The following CNTN4 variants were observed in gnomAD, a reference collection of about 807,000 sequenced individuals.
CNTN4 encodes contactin 4.
In CNTN4, 77 loss-of-function variants were observed where a neutral mutation model predicts 122.5. The ratio of observed to expected loss-of-function variants is 0.63; its 90% CI spans 0.52 to 0.76. The LOEUF is 0.76. Ranked by LOEUF, CNTN4 falls within the 30% of genes least tolerant of loss-of-function variation. The pLI, the probability that CNTN4 is intolerant of heterozygous loss-of-function variation, is 0.00. For synonymous variants in CNTN4, 512 were observed against 447.0 expected (o/e 1.15, Z -1.83); for missense variants, 1,256 against 1,259.1 (o/e 1.00, Z 0.04).
At chr3:2,755,882 TA>T (rs1206660274) in intron 6 of CNTN4, among the ~76,000 whole-genome samples, 2 of 152,152 alleles carry the variant, frequency 1.3e-5, no homozygotes, top group Non-Finnish European at 2.9e-5. Context: ...TGTATCACCA[TA>T]AAAAAACCAA....
At position 2,270,061 on chromosome 3, in the gene CNTN4, T is replaced by C. The variant is rs1463534401; in HGVS notation, c.-144-69117T>C. Among the ~76,000 whole-genome samples the C allele has an allele frequency of 8.1e-4, 77 of 95,062 alleles. 9 individuals carry two copies. The highest frequency in any genetic ancestry group is 2.2e-3 in the African/African-American group (68 of 30,318). 62.4% of individuals were successfully genotyped at this position (95,062 alleles called of 152,430 possible). On this transcript the variant is annotated intron_variant, in intron 2 of 24. Coordinates refer to ENST00000418658, the MANE Select transcript of CNTN4 (RefSeq NM_175607.3). ...GCTTCCCGGGTTCACGCCATTCTCC[T>C]GCCTCAGCCTCCCCAGTAGCTGGGA...
chr3:2,917,852 A>G (rs2094386053), intron 12 of CNTN4, among the ~76,000 whole-genome samples: 1 of 152,162 alleles, frequency 6.6e-6, no homozygotes, highest in African/African-American at 2.4e-5. Context: ...TTCCATTGCT[A>G]CATTATCCAA....
At chr3:2,289,833 A>G (rs929872718) in intron 2 of CNTN4, among the ~76,000 whole-genome samples, 16 of 152,232 alleles carry the variant, frequency 1.1e-4, no homozygotes, top group African/African-American at 3.9e-4. Flanking sequence ...TGTGTAAGTT[A>G]TTACGATAGT....
At chr3:2,242,918 T>G (rs2040000212) in intron 2 of CNTN4, among the ~76,000 whole-genome samples, 1 of 152,126 alleles carries the variant, frequency 6.6e-6, no homozygotes, top group Non-Finnish European at 1.5e-5. Context: ...TATTCCAAAG[T>G]ATGGCAGGAA....
chr3:2,115,729 A>G (rs76338908), intron 2 of CNTN4, among the ~76,000 whole-genome samples: 2,419 of 152,356 alleles, frequency 0.016, 59 homozygotes, highest in African/African-American at 0.055. Flanking sequence ...CTAACATTTC[A>G]TACAACCGCA....
chr3:3,054,105 C>A, intron 24 of CNTN4, 130 bp downstream of exon 24: 1 of 965,868 alleles, frequency 1.0e-6, no homozygotes, highest in Non-Finnish European at 1.6e-6. Context: ...ACACTACCCC[C>A]CTTCTCCAGA....
At chr3:2,127,608 T>C (rs899295098) in intron 2 of CNTN4, among the ~76,000 whole-genome samples, 7 of 152,126 alleles carry the variant, frequency 4.6e-5, no homozygotes, top group African/African-American at 1.7e-4. Flanking sequence ...GTATCTTCAC[T>C]TTTTACACTC....
intron 2 of CNTN4, among the ~76,000 whole-genome samples, chr3:2,122,540 T>G (rs2033869461): frequency 6.6e-6 from 1 of 152,222 alleles, no homozygotes; most frequent in Admixed American, 6.5e-5. Flanking sequence ...ATTTATGTTC[T>G]TTACAGACTC....
intron 7 of CNTN4, among the ~76,000 whole-genome samples, chr3:2,846,993 C>CAAAT (rs577122568): frequency 0.015 from 2,213 of 151,966 alleles, 39 homozygotes; most frequent in African/African-American, 0.05. Context: ...AACTCGGTCT[C>CAAAT]AAATAAATAA....
intron 2 of CNTN4, among the ~76,000 whole-genome samples, chr3:2,227,820 T>C (rs1559360095): frequency 6.6e-6 from 1 of 152,268 alleles, no homozygotes; most frequent in East Asian, 1.9e-4. Flanking sequence ...GAAAATTGTT[T>C]CTACATCCTG....
At chr3:2,476,536 A>G (rs1290995070) in intron 3 of CNTN4, among the ~76,000 whole-genome samples, 1 of 152,226 alleles carries the variant, frequency 6.6e-6, no homozygotes, top group Non-Finnish European at 1.5e-5. Flanking sequence ...GAGTGAACTC[A>G]GAAACATTTT....
intron 3 of CNTN4, among the ~76,000 whole-genome samples, chr3:2,459,945 T>A (rs2049141023): frequency 6.6e-6 from 1 of 152,180 alleles, no homozygotes; most frequent in Non-Finnish European, 1.5e-5. Context: ...TAGTCTTTTC[T>A]GCTAAACCCA....
At chr3:2,471,195 CTA>C (rs2075672523) in intron 3 of CNTN4, among the ~76,000 whole-genome samples, 1 of 152,206 alleles carries the variant, frequency 6.6e-6, no homozygotes, top group Non-Finnish European at 1.5e-5. Context: ...ACTTCTCAAA[CTA>C]AGTCCCAGAG....
At chr3:2,980,918 T>C (rs1234432785) in intron 13 of CNTN4, among the ~76,000 whole-genome samples, 1 of 152,128 alleles carries the variant, frequency 6.6e-6, no homozygotes. Context: ...GGTCTTTGCC[T>C]GGCCAGCACC....
chr3:2,433,661 G>C, intron 3 of CNTN4, among the ~76,000 whole-genome samples: 1 of 152,232 alleles, frequency 6.6e-6, no homozygotes, highest in Middle Eastern at 3.4e-3. Context: ...TTTGTTGCCT[G>C]CGCTTTTGGG....
At chr3:2,497,300 C>G (rs1220234596) in intron 3 of CNTN4, among the ~76,000 whole-genome samples, 1 of 152,132 alleles carries the variant, frequency 6.6e-6, no homozygotes, top group Non-Finnish European at 1.5e-5. Context: ...ATATAAAGTC[C>G]TTGGCACCTA....
chr3:2,602,958 G>C (rs2081109696), intron 4 of CNTN4, among the ~76,000 whole-genome samples: 1 of 152,178 alleles, frequency 6.6e-6, no homozygotes, highest in African/African-American at 2.4e-5. Flanking sequence ...TGAATGAACT[G>C]TTTGAAAGTT....
At chr3:2,798,397 C>CTTTCTATA (rs2092263915) in intron 6 of CNTN4, among the ~76,000 whole-genome samples, 1 of 148,068 alleles carries the variant, frequency 6.8e-6, no homozygotes, top group Non-Finnish European at 1.5e-5. Flanking sequence ...ATCTATATAT[C>CTTTCTATA]TATCTATCTA....
rs139541188 is a variant in CNTN4 at position 2,978,880 on chromosome 3, T to C, written c.1359-9465T>C. Among the ~76,000 whole-genome samples, 24 of 152,326 alleles carry C rather than the reference T, an allele frequency of 1.6e-4. 1 individual carries two copies. The East Asian group carries it at 3.5e-3, about 22-fold the overall frequency. ...GCTGAGAAGTAGTCTTACCGAAATA[T>C]AAGTTAGTCGCTCACCCCTTGCAGA... On this transcript the variant is annotated intron_variant, in intron 13 of 24. Coordinates refer to ENST00000418658, the MANE Select transcript of CNTN4 (RefSeq NM_175607.3).
Sources: allele counts gnomAD v4.1 joint callset (sites outside exome capture counted in the v4.1 genomes callset), GRCh38; gene constraint gnomAD v4.1.1; transcripts MANE v1.5; gene names NCBI Gene and HGNC (gene_info 2026-07-23, HGNC 2026-07-21).